Variants in ETV6 observed in about 807,000 individuals in gnomAD.
ETV6 encodes the protein transcription factor ETV6.
A neutral mutation model predicts 51.1 loss-of-function variants in ETV6; 16 were observed. The observed-to-expected ratio is 0.31, with a 90% CI of 0.21 to 0.48. The LOEUF (loss-of-function observed/expected upper bound fraction) is 0.48. Among genes scored for constraint, ETV6 ranks in the 20% least tolerant of loss-of-function variants. ETV6 has a pLI of 0.99. For missense variants in ETV6, 458 were observed against 594.8 expected (o/e 0.77, Z 2.39); for synonymous variants, 240 against 224.1 (o/e 1.07, Z -0.64).
intron 1 of ETV6, among the ~76,000 whole-genome samples, chr12:11,699,115 A>G (rs532436855): frequency 1.3e-5 from 2 of 152,248 alleles, no homozygotes; most frequent in Non-Finnish European, 2.9e-5. Flanking sequence ...GGATAATTGT[A>G]ATAGGTTGCC....
intron 1 of ETV6, among the ~76,000 whole-genome samples, chr12:11,712,999 C>A (rs1480933682): frequency 1.3e-5 from 2 of 152,128 alleles, no homozygotes; most frequent in Non-Finnish European, 2.9e-5. Context: ...ACCTCTGACA[C>A]CTGCCCTTCA....
At chr12:11,761,747 C>A (rs949331912) in intron 2 of ETV6, among the ~76,000 whole-genome samples, 2 of 152,328 alleles carry the variant, frequency 1.3e-5, no homozygotes, top group Admixed American at 1.3e-4. Context: ...GTCATCCCAG[C>A]AGTTCATTCC....
At chr12:11,698,119 A>G (rs1239685979) in intron 1 of ETV6, among the ~76,000 whole-genome samples, 1 of 152,208 alleles carries the variant, frequency 6.6e-6, no homozygotes, top group Non-Finnish European at 1.5e-5. Flanking sequence ...TGACTCTTCT[A>G]AGTATCTGTC....
intron 3 of ETV6, chr12:11,840,796 C>A (rs1402668117): frequency 3.6e-6 from 1 of 279,528 alleles, no homozygotes; most frequent in African/African-American, 2.2e-5. Flanking sequence ...TGTCTCATAT[C>A]ATCAATTCTG....
At chr12:11,806,211 T>C (rs1255215537) in intron 2 of ETV6, among the ~76,000 whole-genome samples, 4 of 152,244 alleles carry the variant, frequency 2.6e-5, no homozygotes, top group Non-Finnish European at 5.9e-5. Flanking sequence ...TATGCCATCC[T>C]TGTTGGACAG....
At chr12:11,803,139 A>G (rs777322681) in intron 2 of ETV6, among the ~76,000 whole-genome samples, 16 of 152,154 alleles carry the variant, frequency 1.1e-4, no homozygotes, top group Non-Finnish European at 2.2e-4. Flanking sequence ...AACTCTCCAA[A>G]TTTCTGCCCC....
rs190487142 is a variant in ETV6 at position 11,778,105 on chromosome 12, C to T, written c.163+25526C>T. 2.1e-4 allele frequency among the ~76,000 whole-genome samples: 32 copies of T among 152,286 alleles called. No homozygotes were observed. The East Asian group carries it at 3.7e-3, about 17-fold the overall frequency. ...CCATGTCAAATAGCAGAAAATGCACCGGCTTTGGAGCCTACTGCAGGACTA... is the reference window on the plus strand; with the variant it reads ...CCATGTCAAATAGCAGAAAATGCACTGGCTTTGGAGCCTACTGCAGGACTA... On this transcript the variant is annotated intron_variant, in intron 2 of 7. Coordinates refer to ENST00000396373, the MANE Select transcript of ETV6 (RefSeq NM_001987.5).
rs777156405 is a variant in ETV6, at chr12:11,894,358, T to TATCA, written c.*3313_*3316dup. The TATCA allele has an allele frequency of 6.0e-5, 14 of 233,012 alleles. No homozygotes were observed. The highest frequency in any genetic ancestry group is 1.2e-4 in the Non-Finnish European group (14 of 117,988). 14.4% of individuals were successfully genotyped at this position (233,012 alleles called of 1,614,324 possible). A position where few individuals can be genotyped will look rare whatever the true frequency, so the allele number is the denominator to read the frequency against. On this transcript the variant is annotated 3_prime_UTR_variant, in exon 8 of 8. Coordinates refer to ENST00000396373, the MANE Select transcript of ETV6 (RefSeq NM_001987.5). ...CAAGCTAGCCAGGCAGTCTCCTCTC[T>TATCA]ATCAGAAGAAAGCACTGGTAATTGG...
At chr12:11,652,471 A>T (rs1189849255) in intron 1 of ETV6, among the ~76,000 whole-genome samples, 1 of 152,248 alleles carries the variant, frequency 6.6e-6, no homozygotes, top group Non-Finnish European at 1.5e-5. Flanking sequence ...TCTAGAGTCC[A>T]GTAAACAATA....
At chr12:11,756,752 A>C (rs958850656) in intron 2 of ETV6, among the ~76,000 whole-genome samples, 1 of 152,004 alleles carries the variant, frequency 6.6e-6, no homozygotes, top group Admixed American at 6.6e-5. Flanking sequence ...CAGTTACAGC[A>C]CCTCACGAGG....
intron 2 of ETV6, among the ~76,000 whole-genome samples, chr12:11,760,876 ATATGTG>A (rs1445833727): frequency 9.7e-5 from 7 of 71,856 alleles, no homozygotes; most frequent in African/African-American, 2.5e-4. Flanking sequence ...ATTATTATAT[ATATGTG>A]TGTGTGTGTG....
chr12:11,669,943 T>C (rs1196022421), intron 1 of ETV6, among the ~76,000 whole-genome samples: 1 of 151,178 alleles, frequency 6.6e-6, no homozygotes, highest in Admixed American at 6.6e-5. Flanking sequence ...CGGCGGCCAT[T>C]CACTCATCTT....
intron 1 of ETV6, 21 bp downstream of exon 1, chr12:11,650,181 T>A (rs200061615): frequency 1.2e-6 from 2 of 1,609,792 alleles, no homozygotes; most frequent in Non-Finnish European, 1.7e-6. Context: ...TCTCCCCTCC[T>A]TCTACGTGGT....
intron 1 of ETV6, among the ~76,000 whole-genome samples, chr12:11,706,651 A>G (rs1865077861): frequency 6.6e-6 from 1 of 152,212 alleles, no homozygotes; most frequent in Non-Finnish European, 1.5e-5. Flanking sequence ...AGCAGGACAG[A>G]TAAGAGGCAA....
intron 4 of ETV6, among the ~76,000 whole-genome samples, chr12:11,855,737 A>T (rs1368139154): frequency 1.3e-5 from 2 of 152,168 alleles, no homozygotes; most frequent in Non-Finnish European, 2.9e-5. Context: ...CATTTCGTGC[A>T]CGCTCCCTGC....
At chr12:11,816,673 G>A (rs1021407332) in intron 2 of ETV6, among the ~76,000 whole-genome samples, 1 of 152,160 alleles carries the variant, frequency 6.6e-6, no homozygotes. Flanking sequence ...TTGGAAATCT[G>A]CCTGGCTCCC....
chr12:11,728,991 C>T (rs1002379710), intron 1 of ETV6, among the ~76,000 whole-genome samples: 9 of 152,298 alleles, frequency 5.9e-5, no homozygotes, highest in South Asian at 2.1e-4. Context: ...ATATGTACTA[C>T]GGTAGGTTGG....
intron 2 of ETV6, chr12:11,752,792 CCTGA>C (rs1365425277): frequency 8.5e-6 from 4 of 467,922 alleles, no homozygotes; most frequent in African/African-American, 3.9e-5. Flanking sequence ...TCATTTCTTC[CCTGA>C]CTATGACATG....
chr12:11,777,187 C>T (rs189036979), intron 2 of ETV6, among the ~76,000 whole-genome samples: 38 of 144,888 alleles, frequency 2.6e-4, no homozygotes, highest in Admixed American at 2.3e-3. Flanking sequence ...TTGCAGTGAG[C>T]CGAGATAGCG....
Sources: gnomAD v4.1 joint callset for allele counts (sites outside exome capture counted in the v4.1 genomes callset) on GRCh38, gnomAD v4.1.1 for gene constraint, MANE v1.5 for transcripts, NCBI Gene and HGNC (gene_info 2026-07-23, HGNC 2026-07-21) for gene names.